The following CNTNAP2 variants were observed in gnomAD, a reference collection of about 807,000 sequenced individuals.
CNTNAP2 encodes the protein contactin-associated protein-like 2.
Under a neutral mutation model 155.2 loss-of-function variants are expected in CNTNAP2, and 98 were observed. The observed-to-expected ratio is 0.63, with a 90% CI of 0.54 to 0.75. CNTNAP2 has a LOEUF of 0.75. Ranked by LOEUF, CNTNAP2 falls within the 30% of genes least tolerant of loss-of-function variation. CNTNAP2 has a pLI of 0.00. For synonymous variants in CNTNAP2, 651 were observed against 631.2 expected (o/e 1.03, Z -0.47); for missense variants, 1,727 against 1,688.1 (o/e 1.02, Z -0.40).
intron 15 of CNTNAP2, among the ~76,000 whole-genome samples, chr7:148,050,116 C>T (rs962387883): frequency 6.6e-6 from 1 of 152,082 alleles, no homozygotes; most frequent in African/African-American, 2.4e-5. Context: ...GCCAAGATCG[C>T]GCCACTGCAC....
chr7:146,477,875 T>C (rs151118236), intron 1 of CNTNAP2, among the ~76,000 whole-genome samples: 230 of 152,256 alleles, frequency 1.5e-3, no homozygotes, highest in African/African-American at 5.2e-3. Flanking sequence ...AGTAATATAA[T>C]GCCCAACTTA....
chr7:146,671,730 ATTT>A (rs1800310813), intron 1 of CNTNAP2, among the ~76,000 whole-genome samples: 1 of 152,112 alleles, frequency 6.6e-6, no homozygotes, highest in Non-Finnish European at 1.5e-5. Context: ...TTAGCCTTAT[ATTT>A]CTCCTTCCAT....
intron 2 of CNTNAP2, among the ~76,000 whole-genome samples, chr7:146,838,968 T>C (rs1305378908): frequency 6.6e-6 from 1 of 152,168 alleles, no homozygotes; most frequent in Non-Finnish European, 1.5e-5. Flanking sequence ...ATTTTAAATA[T>C]TACTGTAAAT....
chr7:146,647,995 C>G (rs1799844176), intron 1 of CNTNAP2, among the ~76,000 whole-genome samples: 1 of 152,078 alleles, frequency 6.6e-6, no homozygotes. Flanking sequence ...ACCCAATGTA[C>G]CACAATTCTT....
chr7:146,466,281 G>A (rs897915579), intron 1 of CNTNAP2, among the ~76,000 whole-genome samples: 2 of 152,184 alleles, frequency 1.3e-5, no homozygotes, highest in African/African-American at 4.8e-5. Flanking sequence ...TGACTTTCAT[G>A]TGAGTGGCTG....
chr7:147,999,271 C>CGG (rs912563838), intron 15 of CNTNAP2, among the ~76,000 whole-genome samples: 5 of 151,992 alleles, frequency 3.3e-5, no homozygotes, highest in African/African-American at 7.2e-5. Context: ...TTAGTAGAGA[C>CGG]GGGGTTTCAC....
Position 146,605,201 on chromosome 7 carries a change from C to T in CNTNAP2, c.98-169070C>T, listed in dbSNP as rs775890218. Among the ~76,000 whole-genome samples, 88 of 150,784 alleles carry T rather than the reference C, an allele frequency of 5.8e-4. 2 individuals are homozygous for T. Among genetic ancestry groups the T allele is most frequent in the Non-Finnish European group, 1.1e-3 (72 of 67,708 alleles). On this transcript the variant is annotated intron_variant, in intron 1 of 23. Coordinates refer to ENST00000361727, the MANE Select transcript of CNTNAP2 (RefSeq NM_014141.6). ...AGTTCCATGGACATAGAGACTATGT[C>T]TTGTTTCTTTATTGTATTCATTTCA...
intron 13 of CNTNAP2, among the ~76,000 whole-genome samples, chr7:147,841,462 G>A (rs1322396393): frequency 6.6e-6 from 1 of 152,064 alleles, no homozygotes; most frequent in Non-Finnish European, 1.5e-5. Context: ...CAGTCATAAA[G>A]AGACTCCCCA....
chr7:148,016,797 C>T (rs368231055), intron 15 of CNTNAP2, among the ~76,000 whole-genome samples: 13 of 152,192 alleles, frequency 8.5e-5, no homozygotes, highest in East Asian at 1.9e-4. Flanking sequence ...CTCTTAGGTC[C>T]TAAGTTATAG....
rs117526730 is a variant in CNTNAP2 at position 147,808,788 on chromosome 7, G to A, written c.2099-94777G>A. 5.4e-3 allele frequency among the ~76,000 whole-genome samples: 829 copies of A among 152,302 alleles called. 5 individuals carry two copies. Among genetic ancestry groups the A allele is most frequent in the South Asian group, 0.021 (102 of 4,826 alleles). On this transcript the variant is annotated intron_variant, in intron 13 of 23. Transcript: ENST00000361727. ...TTATTGACTATCCCAAAGAAGAGGG[G>A]ATTTCTCTTTCTAAAATTTGTAGTA... is the stretch of plus-strand genomic sequence containing the variant.
intron 8 of CNTNAP2, among the ~76,000 whole-genome samples, chr7:147,201,594 G>C (rs1802923452): frequency 6.6e-6 from 1 of 152,152 alleles, no homozygotes; most frequent in Non-Finnish European, 1.5e-5. Context: ...ACAGACATAG[G>C]AGAGGGAGAA....
At chr7:148,094,481 T>C (rs971865707) in intron 15 of CNTNAP2, among the ~76,000 whole-genome samples, 1 of 152,188 alleles carries the variant, frequency 6.6e-6, no homozygotes, top group African/African-American at 2.4e-5. Context: ...TAATTATCTG[T>C]GATTAACTGG....
intron 10 of CNTNAP2, among the ~76,000 whole-genome samples, chr7:147,401,062 G>A (rs1796904255): frequency 6.6e-6 from 1 of 152,250 alleles, no homozygotes; most frequent in South Asian, 2.1e-4. Flanking sequence ...ATGTCCCCTA[G>A]AGGTTGAAAT....
chr7:146,751,789 C>T (rs890655957), intron 1 of CNTNAP2, among the ~76,000 whole-genome samples: 2 of 151,922 alleles, frequency 1.3e-5, no homozygotes, highest in East Asian at 1.9e-4. Context: ...CCCCAACCCC[C>T]GACAGGCCTT....
At chr7:146,818,054 GT>G in intron 2 of CNTNAP2, among the ~76,000 whole-genome samples, 1 of 152,206 alleles carries the variant, frequency 6.6e-6, no homozygotes, top group Middle Eastern at 3.4e-3. Context: ...TAGTAGTGTG[GT>G]TAAGGGTTTC....
intron 9 of CNTNAP2, among the ~76,000 whole-genome samples, chr7:147,317,912 G>T (rs1355724755): frequency 6.6e-6 from 1 of 150,996 alleles, no homozygotes; most frequent in African/African-American, 2.4e-5. Context: ...TCTACGGTTT[G>T]TCTCTTTCTT....
chr7:146,152,685 A>T (rs1798069324), intron 1 of CNTNAP2, among the ~76,000 whole-genome samples: 1 of 152,094 alleles, frequency 6.6e-6, no homozygotes, highest in Admixed American at 6.6e-5. Flanking sequence ...AAATAATATA[A>T]TTACTTTAAA....
chr7:147,479,062 G>T (rs1235149148), intron 10 of CNTNAP2, among the ~76,000 whole-genome samples: 1 of 152,186 alleles, frequency 6.6e-6, no homozygotes, highest in African/African-American at 2.4e-5. Flanking sequence ...TCATTCCTGT[G>T]TGCAGACTTT....
intron 8 of CNTNAP2, among the ~76,000 whole-genome samples, chr7:147,154,138 GATGTAATAACATTCATA>G (rs1239507148): frequency 1.3e-5 from 2 of 151,810 alleles, no homozygotes; most frequent in African/African-American, 4.8e-5. Flanking sequence ...TTACCCACTA[GATGTAATAACATTCATA>G]ATGGCATTGA....
Sources: gnomAD v4.1 joint callset for allele counts (sites outside exome capture counted in the v4.1 genomes callset) on GRCh38, gnomAD v4.1.1 for gene constraint, MANE v1.5 for transcripts, NCBI Gene and HGNC (gene_info 2026-07-23, HGNC 2026-07-21) for gene names.